The following RAPGEF4 variants were observed in gnomAD, a reference collection of about 807,000 sequenced individuals.
RAPGEF4 encodes the protein RAP guanine-nucleotide-exchange factor (GEF) 4.
A neutral mutation model predicts 147.9 loss-of-function variants in RAPGEF4; 66 were observed. That is an observed-to-expected ratio of 0.45 (90% confidence interval 0.37 to 0.55). The LOEUF (loss-of-function observed/expected upper bound fraction) is 0.55. Ranked by LOEUF, RAPGEF4 falls within the 20% of genes least tolerant of loss-of-function variation. The pLI is 0.00. For synonymous variants in RAPGEF4, 419 were observed against 442.7 expected (o/e 0.95, Z 0.67); for missense variants, 1,071 against 1,257.3 (o/e 0.85, Z 2.24).
intron 6 of RAPGEF4, among the ~76,000 whole-genome samples, chr2:172,949,918 T>C (rs1688043176): frequency 6.6e-6 from 1 of 152,244 alleles, no homozygotes; most frequent in Non-Finnish European, 1.5e-5. Context: ...GTATGCCCAA[T>C]GGGCTTGAGA....
intron 5 of RAPGEF4, chr2:172,918,186 A>C (rs1684289815): frequency 2.1e-6 from 1 of 479,144 alleles, no homozygotes; most frequent in African/African-American, 2.0e-5. Flanking sequence ...CTTTTAAAGA[A>C]GGGATGCACG....
At chr2:172,948,979 A>T (rs1222260830) in intron 6 of RAPGEF4, among the ~76,000 whole-genome samples, 2 of 152,202 alleles carry the variant, frequency 1.3e-5, no homozygotes, top group Non-Finnish European at 2.9e-5. Context: ...AGAAATTAAT[A>T]TATCTTCTGT....
At chr2:172,875,070 C>G (rs1403706444) in intron 4 of RAPGEF4, among the ~76,000 whole-genome samples, 5 of 152,196 alleles carry the variant, frequency 3.3e-5, no homozygotes, top group Non-Finnish European at 5.9e-5. Flanking sequence ...TGTTCACATC[C>G]TTTGCCCACT....
At chr2:173,047,838 G>T (rs6714475) in intron 29 of RAPGEF4, among the ~76,000 whole-genome samples, 4 of 151,896 alleles carry the variant, frequency 2.6e-5, no homozygotes, top group African/African-American at 9.7e-5. Context: ...CACCACGCCC[G>T]GCTAATTTTT....
chr2:173,000,313 C>T (rs1693772905), intron 16 of RAPGEF4, among the ~76,000 whole-genome samples: 1 of 152,182 alleles, frequency 6.6e-6, no homozygotes, highest in South Asian at 2.1e-4. Flanking sequence ...AAAACATGGA[C>T]AACATTTGGC....
chr2:173,009,581 CAAAATCCA>C (rs1256286371), intron 17 of RAPGEF4, among the ~76,000 whole-genome samples: 1 of 150,120 alleles, frequency 6.7e-6, no homozygotes, highest in Non-Finnish European at 1.5e-5. Context: ...GCAAACATTC[CAAAATCCA>C]AAAAAAAAAT....
At chr2:172,998,791 C>T (rs573694707) in intron 16 of RAPGEF4, among the ~76,000 whole-genome samples, 4 of 152,284 alleles carry the variant, frequency 2.6e-5, no homozygotes, top group African/African-American at 7.2e-5. Context: ...CTCTGATTAA[C>T]TGTTTGCCCA....
chr2:173,041,917 C>T (rs1684813016), intron 29 of RAPGEF4, among the ~76,000 whole-genome samples: 1 of 152,204 alleles, frequency 6.6e-6, no homozygotes, highest in South Asian at 2.1e-4. Context: ...CTTCCCTAAC[C>T]ACCCTTGTGG....
intron 5 of RAPGEF4, among the ~76,000 whole-genome samples, chr2:172,918,227 C>A (rs961092133): frequency 6.8e-6 from 1 of 147,110 alleles, no homozygotes; most frequent in African/African-American, 2.5e-5. Flanking sequence ...CATCTGGATA[C>A]CTGAGAGCCC....
chr2:172,750,360 T>G (rs1379795951), intron 1 of RAPGEF4, among the ~76,000 whole-genome samples: 1 of 151,998 alleles, frequency 6.6e-6, no homozygotes, highest in African/African-American at 2.4e-5. Context: ...GAAAGGCACC[T>G]CTTATATTGG....
chr2:172,929,751 C>G (rs1281597914), intron 6 of RAPGEF4, among the ~76,000 whole-genome samples: 3 of 152,130 alleles, frequency 2.0e-5, no homozygotes, highest in Non-Finnish European at 4.4e-5. Context: ...TAGACAGAAG[C>G]ACACGTGAAC....
intron 1 of RAPGEF4, among the ~76,000 whole-genome samples, chr2:172,777,151 A>G (rs1684248781): frequency 2.0e-5 from 3 of 152,178 alleles, no homozygotes; most frequent in Admixed American, 1.3e-4. Context: ...GAATAGGTCT[A>G]GCTCTTGGGC....
chr2:172,990,269 C>T (rs1047266322), intron 14 of RAPGEF4, among the ~76,000 whole-genome samples: 5 of 152,076 alleles, frequency 3.3e-5, no homozygotes, highest in African/African-American at 9.7e-5. Context: ...ATTCTTTGAA[C>T]GAATCAGATT....
chr2:172,982,455 C>T (rs984881134), intron 10 of RAPGEF4, among the ~76,000 whole-genome samples: 4 of 152,116 alleles, frequency 2.6e-5, no homozygotes, highest in Non-Finnish European at 1.5e-5. Flanking sequence ...ATTAATAACC[C>T]ATTAGTTTGT....
chr2:172,751,798 C>T (rs1695318121), intron 1 of RAPGEF4, among the ~76,000 whole-genome samples: 1 of 152,268 alleles, frequency 6.6e-6, no homozygotes, highest in African/African-American at 2.4e-5. Context: ...TGAATCAATG[C>T]GGCACTGCCC....
intron 6 of RAPGEF4, among the ~76,000 whole-genome samples, chr2:172,932,752 T>A (rs1377703553): frequency 6.6e-6 from 1 of 152,224 alleles, no homozygotes; most frequent in Non-Finnish European, 1.5e-5. Flanking sequence ...CTTCACGTTG[T>A]AACGTATGTT....
intron 4 of RAPGEF4, among the ~76,000 whole-genome samples, chr2:172,914,280 C>T (rs1364994423): frequency 6.7e-6 from 1 of 149,540 alleles, no homozygotes; most frequent in African/African-American, 2.5e-5. Context: ...TGCATCTGCC[C>T]TCTGAGGGAG....
At chr2:172,865,143 A>G (rs181277605) in intron 4 of RAPGEF4, among the ~76,000 whole-genome samples, 75 of 152,304 alleles carry the variant, frequency 4.9e-4, no homozygotes, top group Non-Finnish European at 8.4e-4. Flanking sequence ...TCTGTGGCAC[A>G]TCCATCGCCG....
At chr2:172,815,025 A>G (rs1336038370) in intron 4 of RAPGEF4, among the ~76,000 whole-genome samples, 2 of 152,244 alleles carry the variant, frequency 1.3e-5, no homozygotes, top group East Asian at 3.9e-4. Flanking sequence ...CATTTACAAC[A>G]AGTATGAGGA....
Sources: allele counts gnomAD v4.1 joint callset (sites outside exome capture counted in the v4.1 genomes callset), GRCh38; gene constraint gnomAD v4.1.1; transcripts MANE v1.5; gene names NCBI Gene and HGNC (gene_info 2026-07-23, HGNC 2026-07-21).